HERC4: variants seen among roughly 807,000 people sequenced by gnomAD.
The protein encoded by HERC4 is HECT and RLD domain containing E3 ubiquitin protein ligase 4, also known as probable E3 ubiquitin-protein ligase HERC4.
In HERC4, 28 loss-of-function variants were observed where a neutral mutation model predicts 124.3. The observed-to-expected ratio is 0.23, with a 90% CI of 0.17 to 0.31. The LOEUF is 0.31. Among genes scored for constraint, HERC4 ranks in the 10% least tolerant of loss-of-function variants. The pLI is 1.00. For missense variants in HERC4, 713 were observed against 1,229.3 expected (o/e 0.58, Z 6.28); for synonymous variants, 407 against 421.5 (o/e 0.97, Z 0.42).
chr10:68,061,467 A>G (rs2041006854), intron 3 of HERC4, among the ~76,000 whole-genome samples: 1 of 134,352 alleles, frequency 7.4e-6, no homozygotes, highest in African/African-American at 2.8e-5. Context: ...CAGGAAGTGG[A>G]GCTTGCAGTG....
chr10:68,064,807 C>A (rs1288701500), intron 3 of HERC4, among the ~76,000 whole-genome samples: 1 of 151,514 alleles, frequency 6.6e-6, no homozygotes, highest in Non-Finnish European at 1.5e-5. Context: ...CTTGTTTCTA[C>A]TAAAAATACA....
At chr10:67,950,827 T>C (rs1216601723) in intron 19 of HERC4, among the ~76,000 whole-genome samples, 1 of 152,154 alleles carries the variant, frequency 6.6e-6, no homozygotes, top group Non-Finnish European at 1.5e-5. Context: ...AAGAACCCAG[T>C]AGAACTACTG....
chr10:67,925,007 G>T, intron 24 of HERC4, 78 bp downstream of exon 24: 2 of 772,732 alleles, frequency 2.6e-6, no homozygotes, highest in Non-Finnish European at 4.2e-6. Flanking sequence ...ATTACTTGAA[G>T]ATTAAAACAG....
intron 9 of HERC4, among the ~76,000 whole-genome samples, chr10:67,998,449 A>G (rs944946639): frequency 1.3e-5 from 2 of 148,514 alleles, no homozygotes; most frequent in Non-Finnish European, 3.0e-5. Flanking sequence ...CAGGAGGCTG[A>G]GGCAGGAGAA....
intron 3 of HERC4, among the ~76,000 whole-genome samples, chr10:68,065,469 C>T (rs940903112): frequency 6.6e-6 from 1 of 152,134 alleles, no homozygotes; most frequent in Non-Finnish European, 1.5e-5. Context: ...AACCAAAATT[C>T]TGCCATGCTA....
chr10:67,997,655 T>C (rs1034253653), intron 9 of HERC4, among the ~76,000 whole-genome samples: 6 of 152,180 alleles, frequency 3.9e-5, no homozygotes, highest in Non-Finnish European at 8.8e-5. Context: ...AAAGAGGTGA[T>C]TATTAAAATT....
At chr10:68,048,017 C>T (rs2040103857) in intron 3 of HERC4, among the ~76,000 whole-genome samples, 1 of 151,916 alleles carries the variant, frequency 6.6e-6, no homozygotes, top group Non-Finnish European at 1.5e-5. Flanking sequence ...CTCCCAGGCT[C>T]AAGCAATCCT....
chr10:67,978,055 T>A (rs1029595923), intron 15 of HERC4, among the ~76,000 whole-genome samples: 5 of 151,780 alleles, frequency 3.3e-5, no homozygotes, highest in African/African-American at 1.2e-4. Flanking sequence ...GGCAGGCAGA[T>A]CCTTGAGGTC....
At chr10:67,943,113 C>T (rs1589144405) in intron 19 of HERC4, among the ~76,000 whole-genome samples, 2 of 152,334 alleles carry the variant, frequency 1.3e-5, no homozygotes, top group South Asian at 4.1e-4. Context: ...TTGTTACATA[C>T]AACCCAGCCT....
chr10:67,991,234 A>G (rs1349847570), intron 11 of HERC4, 35 bp from the exon 12 acceptor site: 1 of 1,223,406 alleles, frequency 8.2e-7, no homozygotes, highest in Non-Finnish European at 1.1e-6. Flanking sequence ...TAATCATAGA[A>G]TCAGAAATTT....
At chr10:68,033,138 T>G (rs1456162650) in intron 6 of HERC4, among the ~76,000 whole-genome samples, 1 of 152,172 alleles carries the variant, frequency 6.6e-6, no homozygotes, top group East Asian at 1.9e-4. Context: ...CAAAATTATC[T>G]AACTGCTTCT....
chr10:68,073,303 A>G, intron 2 of HERC4, 117 bp from the exon 3 acceptor site: 1 of 533,358 alleles, frequency 1.9e-6, no homozygotes, highest in Non-Finnish European at 3.3e-6. Context: ...ACTTTATAAC[A>G]TGCTACATAA....
At chr10:68,034,986 C>T (rs866724842) in intron 5 of HERC4, among the ~76,000 whole-genome samples, 1 of 152,064 alleles carries the variant, frequency 6.6e-6, no homozygotes, top group Non-Finnish European at 1.5e-5. Flanking sequence ...ATATTGCCAT[C>T]GTATTTTGCA....
At chr10:67,975,516 A>AT (rs1408438405) in intron 15 of HERC4, among the ~76,000 whole-genome samples, 1 of 151,998 alleles carries the variant, frequency 6.6e-6, no homozygotes, top group Non-Finnish European at 1.5e-5. Flanking sequence ...TGCCCAGCTA[A>AT]TTTTTTGTAT....
At chr10:67,938,789 C>T (rs929820128) in intron 21 of HERC4, among the ~76,000 whole-genome samples, 19 of 151,900 alleles carry the variant, frequency 1.3e-4, no homozygotes, top group African/African-American at 4.1e-4. Context: ...ACTAAAAATA[C>T]AAAAATTAGC....
intron 15 of HERC4, among the ~76,000 whole-genome samples, chr10:67,981,535 A>T (rs1589241109): frequency 6.6e-6 from 1 of 152,372 alleles, no homozygotes; most frequent in South Asian, 2.1e-4. Flanking sequence ...GACCAAATGG[A>T]CCAAACACAT....
rs2035803676 is a variant in HERC4, at chr10:67,979,548, A to G, written c.1806+9115T>C. ...AATTAATTCAAAGAGATAATGACAG[A>G]GAACTTCCCAAACATAGAAAAAGAT... On this transcript the variant is annotated intron_variant, in intron 15 of 24. Coordinates refer to ENST00000373700, the MANE Select transcript of HERC4 (RefSeq NM_015601.4). 2.0e-5 allele frequency among the ~76,000 whole-genome samples: 3 copies of G among 152,178 alleles called. No homozygotes were observed. The South Asian group carries it at 6.2e-4, about 31-fold the overall frequency.
At chr10:67,980,271 T>C (rs1264402300) in intron 15 of HERC4, among the ~76,000 whole-genome samples, 1 of 152,072 alleles carries the variant, frequency 6.6e-6, no homozygotes, top group Non-Finnish European at 1.5e-5. Flanking sequence ...GTAGCTGGGA[T>C]TACAGACATG....
chr10:68,018,279 T>C (rs1414317260), intron 8 of HERC4, among the ~76,000 whole-genome samples: 1 of 146,606 alleles, frequency 6.8e-6, no homozygotes, highest in Non-Finnish European at 1.5e-5. Flanking sequence ...GAAAAAAAAA[T>C]CATAAATCAT....
Sources: allele counts gnomAD v4.1 joint callset (sites outside exome capture counted in the v4.1 genomes callset), GRCh38; gene constraint gnomAD v4.1.1; transcripts MANE v1.5; gene names NCBI Gene and HGNC (gene_info 2026-07-23, HGNC 2026-07-21).